Variants in PTPRD observed in about 807,000 individuals in gnomAD.
PTPRD encodes the protein protein tyrosine phosphatase receptor type D, also known as receptor-type tyrosine-protein phosphatase delta.
In PTPRD, 34 loss-of-function variants were observed where a neutral mutation model predicts 214.5. The observed-to-expected ratio is 0.16, with a 90% confidence interval of 0.12 to 0.21. PTPRD has a LOEUF of 0.21. Ranked by LOEUF, PTPRD falls within the 10% of genes least tolerant of loss-of-function variation. PTPRD has a pLI of 1.00. For missense variants in PTPRD, 2,545 were observed against 2,398.7 expected, an observed-to-expected ratio of 1.06 and a Z score of -1.27; for synonymous variants, 1,128 against 845.7, an observed-to-expected ratio of 1.33 and a Z score of -5.79.
chr9:8,345,754 A>C (rs1410795630), intron 39 of PTPRD, among the ~76,000 whole-genome samples: 1 of 152,102 alleles, frequency 6.6e-6, no homozygotes, highest in African/African-American at 2.4e-5. Flanking sequence ...GATGAACTCT[A>C]AATGTCATCT....
intron 11 of PTPRD, among the ~76,000 whole-genome samples, chr9:8,930,479 T>A (rs2098944838): frequency 6.6e-6 from 1 of 152,182 alleles, no homozygotes; most frequent in Non-Finnish European, 1.5e-5. Flanking sequence ...ATATACCCAG[T>A]AATGGGATGG....
At chr9:10,491,572 C>A (rs570929565) in intron 2 of PTPRD, among the ~76,000 whole-genome samples, 122 of 151,490 alleles carry the variant, frequency 8.1e-4, no homozygotes, top group South Asian at 2.3e-3. Flanking sequence ...TATAAAGGGC[C>A]AAATGAGCAA....
chr9:8,474,478 C>T (rs2096723936), intron 30 of PTPRD, among the ~76,000 whole-genome samples: 1 of 152,192 alleles, frequency 6.6e-6, no homozygotes, highest in Non-Finnish European at 1.5e-5. Context: ...GCTTGCCATT[C>T]TCTGTGCCAG....
At chr9:9,764,831 G>T (rs1238658844) in intron 6 of PTPRD, among the ~76,000 whole-genome samples, 2 of 152,108 alleles carry the variant, frequency 1.3e-5, no homozygotes, top group Admixed American at 6.5e-5. Flanking sequence ...CTGCCTCACA[G>T]TGTAATAACA....
chr9:8,375,063 A>C (rs2082810446), intron 39 of PTPRD, among the ~76,000 whole-genome samples: 1 of 151,900 alleles, frequency 6.6e-6, no homozygotes, highest in Admixed American at 6.6e-5. Context: ...TATTTTACTT[A>C]TCTGTGGAAG....
intron 34 of PTPRD, among the ~76,000 whole-genome samples, chr9:8,445,686 G>C (rs180959219): frequency 1.6e-3 from 243 of 152,148 alleles, no homozygotes; most frequent in African/African-American, 5.4e-3. Flanking sequence ...CTACCATTTA[G>C]GGGGAGAAAA....
intron 2 of PTPRD, among the ~76,000 whole-genome samples, chr9:10,394,168 A>ATAT (rs2098126485): frequency 6.9e-6 from 1 of 144,926 alleles, no homozygotes; most frequent in African/African-American, 2.5e-5. Flanking sequence ...AGATATATAT[A>ATAT]CATATATATC....
intron 9 of PTPRD, among the ~76,000 whole-genome samples, chr9:9,236,574 C>T (rs2099966866): frequency 7.2e-6 from 1 of 138,354 alleles, no homozygotes; most frequent in Non-Finnish European, 1.6e-5. Context: ...AATCTAGCTC[C>T]ATTTCCTTAG....
At chr9:10,349,512 T>A (rs1420411749) in intron 2 of PTPRD, among the ~76,000 whole-genome samples, 1 of 152,174 alleles carries the variant, frequency 6.6e-6, no homozygotes, top group East Asian at 1.9e-4. Flanking sequence ...AAAATGCATA[T>A]ACATAAACCT....
chr9:9,328,431 T>C (rs2136358829), intron 9 of PTPRD, among the ~76,000 whole-genome samples: 1 of 152,132 alleles, frequency 6.6e-6, no homozygotes. Flanking sequence ...AAAGAAAATA[T>C]TTCCATTCCA....
At chr9:10,468,563 G>T (rs564023494) in intron 2 of PTPRD, among the ~76,000 whole-genome samples, 3 of 152,086 alleles carry the variant, frequency 2.0e-5, no homozygotes, top group East Asian at 1.9e-4. Flanking sequence ...TGGGTTGATG[G>T]GTGCAGCAAA....
chr9:8,757,056 C>T (rs2094045498), intron 11 of PTPRD, among the ~76,000 whole-genome samples: 2 of 152,148 alleles, frequency 1.3e-5, no homozygotes, highest in African/African-American at 4.8e-5. Flanking sequence ...GCAGGAGACT[C>T]ACTTGAACCT....
intron 3 of PTPRD, among the ~76,000 whole-genome samples, chr9:10,224,285 TAAAG>T (rs2099581392): frequency 6.8e-6 from 1 of 147,974 alleles, no homozygotes; most frequent in South Asian, 2.1e-4. Context: ...ATTAGTCAAA[TAAAG>T]AGTTTATAAA....
At chr9:10,346,227 A>G (rs2097079034) in intron 2 of PTPRD, among the ~76,000 whole-genome samples, 1 of 152,198 alleles carries the variant, frequency 6.6e-6, no homozygotes, top group Non-Finnish European at 1.5e-5. Context: ...CCTAGCTCTT[A>G]ATGTCATCCA....
intron 2 of PTPRD, among the ~76,000 whole-genome samples, chr9:10,355,536 C>T (rs1237874201): frequency 2.7e-5 from 4 of 149,024 alleles, no homozygotes; most frequent in African/African-American, 7.4e-5. Context: ...TGGAGTGCAA[C>T]GGCACGATCT....
At chr9:8,837,481 C>A (rs563651557) in intron 11 of PTPRD, among the ~76,000 whole-genome samples, 2 of 149,204 alleles carry the variant, frequency 1.3e-5, no homozygotes, top group Non-Finnish European at 2.9e-5. Context: ...AGACTAATCT[C>A]CTTTTCTCTT....
At chr9:8,605,214 A>T (rs1173438253) in intron 14 of PTPRD, among the ~76,000 whole-genome samples, 1 of 152,190 alleles carries the variant, frequency 6.6e-6, no homozygotes, top group African/African-American at 2.4e-5. Flanking sequence ...AGTTGGAAAA[A>T]TGTGGGTGAG....
intron 2 of PTPRD, among the ~76,000 whole-genome samples, chr9:10,416,351 T>G (rs2098487935): frequency 6.6e-6 from 1 of 151,248 alleles, no homozygotes; most frequent in South Asian, 2.1e-4. Flanking sequence ...AGAGTATGAC[T>G]CCTTCTCAAA....
At chr9:10,157,278 C>T (rs1243307928) in intron 3 of PTPRD, among the ~76,000 whole-genome samples, 1 of 152,162 alleles carries the variant, frequency 6.6e-6, no homozygotes. Context: ...AAGGTCTTTC[C>T]TTTCCATATT....
Sources: allele counts gnomAD v4.1 joint callset (sites outside exome capture counted in the v4.1 genomes callset), GRCh38; gene constraint gnomAD v4.1.1; transcripts MANE v1.5; gene names NCBI Gene and HGNC (gene_info 2026-07-23, HGNC 2026-07-21).